The following SP100 variants were observed in gnomAD, a reference collection of about 807,000 sequenced individuals.
SP100 encodes nuclear autoantigen Sp-100.
A neutral mutation model predicts 130.0 loss-of-function variants in SP100; 84 were observed. The ratio of observed to expected loss-of-function variants is 0.65; its 90% confidence interval spans 0.54 to 0.77. The LOEUF (loss-of-function observed/expected upper bound fraction) is 0.77. Among genes scored for constraint, SP100 ranks in the 30% least tolerant of loss-of-function variants. The pLI, the probability that SP100 is intolerant of heterozygous loss-of-function variation, is 0.00. For synonymous variants in SP100, 331 were observed against 351.7 expected (o/e 0.94, Z 0.66); for missense variants, 978 against 1,052.2 (o/e 0.93, Z 0.97).
In SP100 at chr2:230,443,117, T is replaced by A; in HGVS notation, c.270+18T>A. 6.2e-7 allele frequency: 1 copy of A among 1,611,700 alleles called. No individual in the cohort carries two copies. Among genetic ancestry groups the A allele is most frequent in the Non-Finnish European group, 8.5e-7 (1 of 1,178,232 alleles). On this transcript the variant is annotated intron_variant, in intron 3 of 28. Coordinates refer to ENST00000340126, the MANE Select transcript of SP100 (RefSeq NM_001080391.2). The stretch of plus-strand genomic sequence containing the variant: ...TGTTTGAAGTAAGTAAAGTTTATTA[T>A]GTCACAATCTGGTAAAGCAGCCCCA...
intron 2 of SP100, among the ~76,000 whole-genome samples, chr2:230,433,941 A>G (rs1235379399): frequency 6.7e-6 from 1 of 149,358 alleles, no homozygotes; most frequent in Non-Finnish European, 1.5e-5. Flanking sequence ...TATTAAATAT[A>G]CTTACTCAAA....
chr2:230,472,859 A>G (rs1327463262), intron 15 of SP100, among the ~76,000 whole-genome samples: 1 of 151,966 alleles, frequency 6.6e-6, no homozygotes, highest in Non-Finnish European at 1.5e-5. Flanking sequence ...CATTTCATCC[A>G]CTCCTGTGAT....
chr2:230,453,183 C>T (rs1240206289), intron 8 of SP100, among the ~76,000 whole-genome samples: 1 of 152,126 alleles, frequency 6.6e-6, no homozygotes, highest in Non-Finnish European at 1.5e-5. Context: ...AAGTACAGTG[C>T]AAAGGGGGGA....
In SP100 at chr2:230,473,383, G is replaced by A; in HGVS notation, c.1489G>A (p.Gly497Ser). 6.2e-7 allele frequency: 1 copy of A among 1,614,036 alleles called. No individual in the cohort carries two copies. The highest frequency in any genetic ancestry group is 1.6e-4 in the Middle Eastern group (1 of 6,062). Residue 497 changes from glycine (G) to serine (S), a missense_variant, in exon 16 of 29, where the codon GGT becomes AGT. Coordinates refer to ENST00000340126, the MANE Select transcript of SP100 (RefSeq NM_001080391.2). The part of the protein sequence containing the change: ...KCSCVMCFPK[G>S]VPRSQEARTE... ...CTCCTGTGTCATGTGTTTTCCAAAAGGTGTGCCAAGAAGCCAAGAAGCAAG... is the reference window on the plus strand; with the variant it reads ...CTCCTGTGTCATGTGTTTTCCAAAAAGTGTGCCAAGAAGCCAAGAAGCAAG...
At chr2:230,470,714 A>G (rs1386136144) in intron 15 of SP100, among the ~76,000 whole-genome samples, 4 of 152,356 alleles carry the variant, frequency 2.6e-5, no homozygotes, top group African/African-American at 9.6e-5. Context: ...CCAAAAAACT[A>G]AAGAAACAAT....
At chr2:230,541,851 G>T in intron 27 of SP100, 41 bp from the exon 28 acceptor site, 1 of 1,601,234 alleles carries the variant, frequency 6.2e-7, no homozygotes, top group Non-Finnish European at 8.5e-7. Context: ...GGAGTCTATG[G>T]CACTGGGCTG....
Position 230,498,516 on chromosome 2 carries a change from GA to G in SP100, c.1705del (p.Arg569AspfsTer14). 2.1e-6 allele frequency: 3 copies of G among 1,462,040 alleles called. No individual in the cohort carries two copies. Among genetic ancestry groups the G allele is most frequent in the Admixed American group, 2.7e-5 (1 of 36,622 alleles). The allele number at this position is 1,462,040 out of a possible 1,614,324, so 90.6% of individuals were successfully genotyped here. ...TAACTCTGAATAACAAAGTCCAAAA[GA>G]AAAGATGGCAACAAAGAGGTAAAAA... ...HLTLNNKVQK[K>X]RWQQRGRKAN... is the part of the protein sequence containing the mutation. On this transcript the variant is annotated frameshift_variant, in exon 19 of 29. Transcript: ENST00000340126. LOFTEE classifies it high-confidence loss of function.
At chr2:230,457,081 T>A (rs2064312681) in intron 8 of SP100, among the ~76,000 whole-genome samples, 1 of 152,204 alleles carries the variant, frequency 6.6e-6, no homozygotes, top group Non-Finnish European at 1.5e-5. Context: ...TTCACCCTAT[T>A]TAAAGATTCT....
chr2:230,526,497 G>A (rs548175463), intron 24 of SP100, among the ~76,000 whole-genome samples: 12 of 151,998 alleles, frequency 7.9e-5, no homozygotes, highest in South Asian at 4.2e-4. Context: ...AAAACAGAGC[G>A]CCTCTTCTCC....
At position 230,541,368 on chromosome 2, in the gene SP100, A is replaced by G. The variant is rs373424263; in HGVS notation, c.2399A>G (p.Tyr800Cys). 1.2e-6 allele frequency: 2 copies of G among 1,612,858 alleles called. No homozygotes were observed. The highest frequency in any genetic ancestry group is 1.3e-5 in the African/African-American group (1 of 74,900). Residue 800 changes from tyrosine (Y) to cysteine (C), a missense_variant, in exon 27 of 29, where the codon TAT (tyrosine) becomes TGT (cysteine). Physicochemically the swap from Tyr to Cys is radical, Grantham distance 194. Transcript: ENST00000340126. ...AGCTGCTTTTTCGCCTCAGAACCGT[A>G]TTATGTAAGTAACAGCCAAACAAAA... Reference protein sequence around the residue: ...SKSCFFASEPYYNREGSQGPQ... With the variant: ...SKSCFFASEPCYNREGSQGPQ...
chr2:230,486,912 G>A (rs1290290719), intron 17 of SP100, among the ~76,000 whole-genome samples: 3 of 152,096 alleles, frequency 2.0e-5, no homozygotes, highest in Non-Finnish European at 2.9e-5. Context: ...TTTGATTTGC[G>A]TTTCTCTAAT....
rs1292062112 is a variant in SP100, at chr2:230,542,949, A to G, written c.*3A>G. The G allele has an allele frequency of 6.8e-7, 1 of 1,463,716 alleles. No individual in the cohort carries two copies. The highest frequency in any genetic ancestry group is 1.7e-5 in the Admixed American group (1 of 59,246). The allele number at this position is 1,463,716 out of a possible 1,614,324, so 90.7% of individuals were successfully genotyped here. A position where few individuals can be genotyped will look rare whatever the true frequency, so the allele number is the denominator to read the frequency against. Reference sequence around the variant, plus strand: ...AGAACATTATAATGTTTATTTAGCCATTCTTATCTCCTCCCTTCAGATCCT... The same window carrying G: ...AGAACATTATAATGTTTATTTAGCCGTTCTTATCTCCTCCCTTCAGATCCT... On this transcript the variant is annotated 3_prime_UTR_variant, in exon 29 of 29. Coordinates refer to ENST00000340126, the MANE Select transcript of SP100 (RefSeq NM_001080391.2).
chr2:230,470,260 A>G, intron 15 of SP100, 162 bp downstream of exon 15: 1 of 1,345,454 alleles, frequency 7.4e-7, no homozygotes. Flanking sequence ...AAGAGGCAGG[A>G]AATTATGATA....
At position 230,429,741 on chromosome 2, in the gene SP100, G is replaced by A. The variant is rs138576060; in HGVS notation, c.107+12076G>A. On this transcript the variant is annotated intron_variant, in intron 2 of 28. Transcript: ENST00000340126. ...TTTCTTCTGCTTGATTGAGTCATCT[G>A]TTAAAGCTCTCTATTAAATTCTTCC... is the stretch of plus-strand genomic sequence containing the variant. Among the ~76,000 whole-genome samples, 207 of 151,664 alleles carry A rather than the reference G, an allele frequency of 1.4e-3. 2 individuals carry two copies. The highest frequency in any genetic ancestry group is 4.7e-3 in the African/African-American group (194 of 41,336).
intron 24 of SP100, among the ~76,000 whole-genome samples, chr2:230,536,952 C>T (rs1177469931): frequency 1.3e-5 from 2 of 152,152 alleles, no homozygotes; most frequent in Non-Finnish European, 1.5e-5. Flanking sequence ...CAAGGAGCAC[C>T]TTTTGCTGTA....
At chr2:230,434,718 G>C (rs1157983444) in intron 2 of SP100, among the ~76,000 whole-genome samples, 1 of 152,072 alleles carries the variant, frequency 6.6e-6, no homozygotes, top group African/African-American at 2.4e-5. Context: ...TGATAGTGAA[G>C]CAAGGATCTA....
At chr2:230,495,211 A>C (rs1263688245) in intron 18 of SP100, among the ~76,000 whole-genome samples, 1 of 152,242 alleles carries the variant, frequency 6.6e-6, no homozygotes, top group Non-Finnish European at 1.5e-5. Context: ...TAACTAATAC[A>C]GTCCAGGACA....
intron 17 of SP100, chr2:230,493,705 G>A (rs2066512598): frequency 6.6e-6 from 1 of 151,372 alleles, no homozygotes; most frequent in South Asian, 2.1e-4. Context: ...CACAATTACA[G>A]CTTTAGCTCT....
chr2:230,516,068 C>A (rs1402107558), intron 24 of SP100: 1 of 989,450 alleles, frequency 1.0e-6, no homozygotes, highest in Non-Finnish European at 1.2e-6. Flanking sequence ...CTGAATGCTT[C>A]TAAGTAAATA....
Sources: gnomAD v4.1 joint callset for allele counts (sites outside exome capture counted in the v4.1 genomes callset) on GRCh38, gnomAD v4.1.1 for gene constraint, MANE v1.5 for transcripts, NCBI Gene and HGNC (gene_info 2026-07-23, HGNC 2026-07-21) for gene names.